The following STK39 variants were observed in gnomAD, a reference collection of about 807,000 sequenced individuals.
The protein encoded by STK39 is STE20/SPS1-related proline-alanine-rich protein kinase.
Under a neutral mutation model 77.8 loss-of-function variants are expected in STK39, and 20 were observed. The ratio of observed to expected loss-of-function variants is 0.26; its 90% CI spans 0.18 to 0.37. The LOEUF (loss-of-function observed/expected upper bound fraction) is 0.37. STK39 is among the 10% of genes least tolerant of loss of function. STK39 has a pLI of 1.00. For missense variants in STK39, 479 were observed against 656.5 expected (o/e 0.73, Z 2.95); for synonymous variants, 246 against 234.1 (o/e 1.05, Z -0.47).
At chr2:168,245,139 C>T (rs890200749) in intron 1 of STK39, among the ~76,000 whole-genome samples, 5 of 152,208 alleles carry the variant, frequency 3.3e-5, no homozygotes, top group South Asian at 4.1e-4. Context: ...TGGCCCACCT[C>T]TTCCTGTCAG....
chr2:168,182,166 G>A, intron 1 of STK39, 76 bp from the exon 2 acceptor site: 2 of 1,268,792 alleles, frequency 1.6e-6, no homozygotes. Context: ...TTTTCCTAAA[G>A]ATCAATTTTT....
In STK39 at chr2:168,127,455, T is replaced by C. The variant is rs544648462; in HGVS notation, c.1089+2086A>G. Among the ~76,000 whole-genome samples, 15 of 152,264 alleles carry C rather than the reference T, an allele frequency of 9.9e-5. No homozygotes were observed. The South Asian group carries it at 2.9e-3, about 29-fold the overall frequency. ...TGAGCCACCACACCCGGCCAAGTAA[T>C]TTTTTTCTTCAAAGAAATGAAGGTT... On this transcript the variant is annotated intron_variant, in intron 10 of 17. Coordinates refer to ENST00000355999, the MANE Select transcript of STK39 (RefSeq NM_013233.3).
chr2:168,034,146 A>T (rs532714457), intron 14 of STK39, among the ~76,000 whole-genome samples: 11 of 152,236 alleles, frequency 7.2e-5, no homozygotes, highest in African/African-American at 2.6e-4. Context: ...GATTTGGGGG[A>T]GGCAGGCCCC....
At chr2:168,033,084 CA>C (rs1324042952) in intron 14 of STK39, among the ~76,000 whole-genome samples, 3 of 152,168 alleles carry the variant, frequency 2.0e-5, no homozygotes, top group African/African-American at 7.2e-5. Context: ...AACATAAGTA[CA>C]TTCCCAATAA....
At chr2:168,057,485 G>T (rs895462700) in intron 14 of STK39, among the ~76,000 whole-genome samples, 13 of 152,148 alleles carry the variant, frequency 8.5e-5, no homozygotes, top group Admixed American at 8.5e-4. Flanking sequence ...GAGCCACCGC[G>T]CCTGGCCCTC....
chr2:168,091,372 C>G (rs1475263666), intron 10 of STK39, among the ~76,000 whole-genome samples: 1 of 152,224 alleles, frequency 6.6e-6, no homozygotes, highest in African/African-American at 2.4e-5. Flanking sequence ...TCATGTCTCT[C>G]TCATTCAAAA....
intron 1 of STK39, among the ~76,000 whole-genome samples, chr2:168,242,301 G>A (rs957519728): frequency 2.6e-5 from 4 of 151,084 alleles, no homozygotes; most frequent in Admixed American, 1.3e-4. Context: ...AGTGACTCAC[G>A]CTGTAATCCC....
chr2:168,174,973 G>A (rs1294469099), intron 2 of STK39, among the ~76,000 whole-genome samples: 2 of 151,998 alleles, frequency 1.3e-5, no homozygotes, highest in African/African-American at 4.8e-5. Context: ...ACCACACAGT[G>A]ACAATGTAGG....
At chr2:168,081,183 A>G (rs1014659439) in intron 10 of STK39, among the ~76,000 whole-genome samples, 1 of 152,096 alleles carries the variant, frequency 6.6e-6, no homozygotes, top group Admixed American at 6.5e-5. Context: ...TACAGCTTGC[A>G]CCATGGGCCT....
At chr2:168,008,888 G>A (rs1270413692) in intron 16 of STK39, among the ~76,000 whole-genome samples, 1 of 152,202 alleles carries the variant, frequency 6.6e-6, no homozygotes, top group African/African-American at 2.4e-5. Context: ...GATAAGGACT[G>A]AGGATGAGCC....
Position 168,075,334 on chromosome 2 carries a change from AC to A in STK39, c.1090-104del. On this transcript the variant is annotated intron_variant, in intron 10 of 17. Coordinates refer to ENST00000355999, the MANE Select transcript of STK39 (RefSeq NM_013233.3). ...CGGCATACACACCAACCTGAAAATA[AC>A]CTGAGTGGCTGTGAATCCAGGGATA... 1.5e-5 allele frequency: 22 copies of A among 1,487,136 alleles called. 2 individuals carry two copies. The South Asian group carries it at 2.7e-4, about 18-fold the overall frequency. The allele number at this position is 1,487,136 out of a possible 1,614,324, so 92.1% of individuals were successfully genotyped here.
At chr2:168,019,938 C>T (rs1171814544) in intron 14 of STK39, among the ~76,000 whole-genome samples, 2 of 152,148 alleles carry the variant, frequency 1.3e-5, no homozygotes, top group African/African-American at 4.8e-5. Flanking sequence ...CTCCTGACCT[C>T]AAGTGATCAG....
At chr2:168,203,440 A>C (rs1241957372) in intron 1 of STK39, among the ~76,000 whole-genome samples, 1 of 151,862 alleles carries the variant, frequency 6.6e-6, no homozygotes, top group Admixed American at 6.5e-5. Context: ...AAGAAAAAAA[A>C]GAAAAGATGA....
At chr2:168,127,375 T>A (rs923392860) in intron 10 of STK39, among the ~76,000 whole-genome samples, 6 of 152,150 alleles carry the variant, frequency 3.9e-5, no homozygotes, top group African/African-American at 1.4e-4. Context: ...GGTCTCGATC[T>A]CCCGACCTTG....
At chr2:168,070,443 CT>C (rs542248785) in intron 12 of STK39, among the ~76,000 whole-genome samples, 1,868 of 140,176 alleles carry the variant, frequency 0.013, 15 homozygotes, top group African/African-American at 0.032. Flanking sequence ...TTCGATATTT[CT>C]TTTTTTTTTT....
intron 1 of STK39, among the ~76,000 whole-genome samples, chr2:168,194,193 C>T (rs1200856542): frequency 6.6e-6 from 1 of 152,176 alleles, no homozygotes; most frequent in Non-Finnish European, 1.5e-5. Flanking sequence ...ATAGGCAGAT[C>T]ACTTGAGGTC....
intron 14 of STK39, among the ~76,000 whole-genome samples, chr2:168,034,870 A>G (rs1002383997): frequency 1.1e-4 from 17 of 152,184 alleles, no homozygotes; most frequent in African/African-American, 3.9e-4. Flanking sequence ...TTTCCCACTG[A>G]GCCAACTGGG....
chr2:167,989,463 G>A (rs1683643012), intron 16 of STK39, among the ~76,000 whole-genome samples: 1 of 152,102 alleles, frequency 6.6e-6, no homozygotes, highest in Non-Finnish European at 1.5e-5. Flanking sequence ...TCATTTGTAT[G>A]CAAGAACAAG....
intron 16 of STK39, among the ~76,000 whole-genome samples, chr2:167,999,474 T>C (rs535894938): frequency 6.6e-6 from 1 of 152,152 alleles, no homozygotes; most frequent in Non-Finnish European, 1.5e-5. Flanking sequence ...TATTTTTATC[T>C]TTTTTGAGAT....
Sources: allele counts gnomAD v4.1 joint callset (sites outside exome capture counted in the v4.1 genomes callset), GRCh38; gene constraint gnomAD v4.1.1; transcripts MANE v1.5; gene names NCBI Gene and HGNC (gene_info 2026-07-23, HGNC 2026-07-21).